The following DMD variants were observed in gnomAD, a reference collection of about 807,000 sequenced individuals.
The protein encoded by DMD is dystrophin.
A neutral mutation model predicts 330.1 loss-of-function variants in DMD; 63 were observed. That is an observed-to-expected ratio of 0.19 (90% CI 0.16 to 0.24). The LOEUF (loss-of-function observed/expected upper bound fraction) is 0.24. Among genes scored for constraint, DMD ranks in the 10% least tolerant of loss-of-function variants. The pLI, the probability that DMD is intolerant of heterozygous loss-of-function variation, is 1.00. For missense variants in DMD, 3,344 were observed against 2,684.1 expected, an observed-to-expected ratio of 1.25 and a Z score of -5.43; for synonymous variants, 1,223 against 959.8, an observed-to-expected ratio of 1.27 and a Z score of -5.07.
At position 31,877,854 on chromosome X, in the gene DMD, A is replaced by T. The variant is rs555959832; in HGVS notation, c.6913-2481T>A. On this transcript the variant is annotated intron_variant, in intron 47 of 78. Coordinates refer to ENST00000357033, the MANE Select transcript of DMD (RefSeq NM_004006.3). ...TTTTATTGGATCATTTTCTACTCAC[A>T]AGTAGATGTAAAAAGCGTTTTACAG... Among the ~76,000 whole-genome samples the T allele has an allele frequency of 1.7e-3, 196 of 112,075 alleles. 1 individual carries two copies. Among genetic ancestry groups the T allele is most frequent in the African/African-American group, 6.1e-3 (189 of 30,858 alleles).
chrX:32,861,601 G>GA (rs2149086966), intron 2 of DMD, among the ~76,000 whole-genome samples: 1 of 111,581 alleles, frequency 9.0e-6, no homozygotes, highest in East Asian at 2.9e-4. Flanking sequence ...TCCTAAGAAT[G>GA]AAAAGAAGGA....
At position 32,645,172 on chromosome X, in the gene DMD, G is replaced by C; in HGVS notation, c.961-20C>G. 8.3e-7 allele frequency: 1 copy of C among 1,203,903 alleles called. No individual in the cohort carries two copies. The highest frequency in any genetic ancestry group is 1.1e-6 in the Non-Finnish European group (1 of 889,080). ...CAAATGCTGCACAATAAAATAAATT[G>C]GGTGTTACACAATTAATGTCTTTGC... On this transcript the variant is annotated intron_variant, in intron 9 of 78. Coordinates refer to ENST00000357033, the MANE Select transcript of DMD (RefSeq NM_004006.3).
At chrX:32,154,436 T>C (rs1019277252) in intron 44 of DMD, among the ~76,000 whole-genome samples, 6 of 112,356 alleles carry the variant, frequency 5.3e-5, no homozygotes, top group African/African-American at 1.9e-4. Context: ...TACGATGACA[T>C]AGTATGCAAC....
intron 1 of DMD, among the ~76,000 whole-genome samples, chrX:33,290,570 T>C (rs2053497434): frequency 9.0e-6 from 1 of 111,499 alleles, no homozygotes; most frequent in Non-Finnish European, 1.9e-5. Flanking sequence ...GTTCCTCAAA[T>C]ATACTTGCTT....
intron 2 of DMD, among the ~76,000 whole-genome samples, chrX:32,915,332 G>T (rs890492354): frequency 9.0e-6 from 1 of 111,426 alleles, no homozygotes; most frequent in Non-Finnish European, 1.9e-5. Context: ...ATTTTGCATT[G>T]ATTTTAATTG....
At chrX:32,790,717 C>T (rs2406190) in intron 7 of DMD, among the ~76,000 whole-genome samples, 22,187 of 110,988 alleles carry the variant, frequency 0.2, 1,860 homozygotes, top group East Asian at 0.58. Context: ...AGACTAATTC[C>T]ACTGCCTGCA....
At chrX:31,635,267 AC>A (rs768087328) in intron 54 of DMD, among the ~76,000 whole-genome samples, 1 of 112,106 alleles carries the variant, frequency 8.9e-6, no homozygotes, top group Admixed American at 9.5e-5. Context: ...GGCTTTGGTT[AC>A]TTGCAGTGAT....
intron 47 of DMD, among the ~76,000 whole-genome samples, chrX:31,887,029 A>G (rs1002269339): frequency 9.0e-6 from 1 of 111,593 alleles, no homozygotes; most frequent in Admixed American, 9.5e-5. Flanking sequence ...TGTGACTTGT[A>G]CAAGGTCAGA....
chrX:31,448,122 G>C (rs1213279800), intron 59 of DMD, among the ~76,000 whole-genome samples: 1 of 110,646 alleles, frequency 9.0e-6, no homozygotes, highest in Non-Finnish European at 1.9e-5. Context: ...TGTGAGGTCA[G>C]TTGATAAACA....
chrX:32,737,602 G>T (rs1024502921), intron 7 of DMD, among the ~76,000 whole-genome samples: 8 of 111,557 alleles, frequency 7.2e-5, no homozygotes, highest in African/African-American at 2.3e-4. Context: ...TTGGAAACTT[G>T]GAAATTAAAA....
chrX:31,236,844 A>C (rs969554993), intron 63 of DMD, among the ~76,000 whole-genome samples: 1 of 112,080 alleles, frequency 8.9e-6, no homozygotes, highest in East Asian at 2.8e-4. Flanking sequence ...ATGTTATTTA[A>C]AAAAATAGTT....
At chrX:33,169,694 T>C (rs2049238602) in intron 1 of DMD, among the ~76,000 whole-genome samples, 1 of 111,767 alleles carries the variant, frequency 8.9e-6, no homozygotes, top group Non-Finnish European at 1.9e-5. Flanking sequence ...GTATTTCCTT[T>C]TTAATTTTAA....
intron 11 of DMD, among the ~76,000 whole-genome samples, chrX:32,623,870 G>A (rs2058167342): frequency 8.9e-6 from 1 of 111,797 alleles, no homozygotes; most frequent in Non-Finnish European, 1.9e-5. Context: ...TAAAGAGCTG[G>A]CACAGTGGCA....
chrX:31,604,742 C>A (rs745737997), intron 55 of DMD, among the ~76,000 whole-genome samples: 36 of 111,744 alleles, frequency 3.2e-4, no homozygotes, highest in African/African-American at 1.1e-3. Flanking sequence ...GCTAGAAGAA[C>A]CATACAGGGA....
At chrX:32,645,211 A>C in intron 9 of DMD, 59 bp from the exon 10 acceptor site, 1 of 1,116,321 alleles carries the variant, frequency 9.0e-7, no homozygotes, top group Non-Finnish European at 1.2e-6. Flanking sequence ...TTGTTCCAGT[A>C]CATTAAATGA....
intron 44 of DMD, chrX:32,035,488 A>G (rs901514759): frequency 3.8e-6 from 1 of 263,833 alleles, no homozygotes; most frequent in Non-Finnish European, 7.1e-6. Context: ...GATGTGTGAT[A>G]TGACTGATCC....
chrX:31,640,214 G>A (rs2079650825), intron 54 of DMD, among the ~76,000 whole-genome samples: 2 of 112,020 alleles, frequency 1.8e-5, no homozygotes, highest in Admixed American at 9.5e-5. Flanking sequence ...AAATCAGCCT[G>A]ACAGTGCTCA....
intron 48 of DMD, among the ~76,000 whole-genome samples, chrX:31,855,517 AGGC>A (rs1009759427): frequency 1.1e-4 from 12 of 112,299 alleles, no homozygotes; most frequent in Admixed American, 2.8e-4. Context: ...AACAGCCATT[AGGC>A]TAATTTTCAT....
At chrX:31,758,149 G>T (rs907473395) in intron 51 of DMD, among the ~76,000 whole-genome samples, 1 of 111,477 alleles carries the variant, frequency 9.0e-6, no homozygotes, top group Non-Finnish European at 1.9e-5. Flanking sequence ...AGGCATTTGG[G>T]ACTGATTTCT....
Sources: gnomAD v4.1 joint callset for allele counts (sites outside exome capture counted in the v4.1 genomes callset) on GRCh38, gnomAD v4.1.1 for gene constraint, MANE v1.5 for transcripts, NCBI Gene and HGNC (gene_info 2026-07-23, HGNC 2026-07-21) for gene names.